SPOCK3: variants seen among roughly 807,000 people sequenced by gnomAD.
SPOCK3 encodes the protein SPARC (osteonectin), cwcv and kazal like domains proteoglycan 3.
A neutral mutation model predicts 56.6 loss-of-function variants in SPOCK3; 30 were observed. That is an observed-to-expected ratio of 0.53 (90% CI 0.40 to 0.72). SPOCK3 has a LOEUF of 0.72. SPOCK3 is among the 30% of genes least tolerant of loss of function. The probability of loss-of-function intolerance (pLI) is 0.00; values close to 1 mark genes in which losing one functional copy is unlikely to be tolerated. For synonymous variants in SPOCK3, 196 were observed against 183.3 expected, an observed-to-expected ratio of 1.07 and a Z score of -0.56; for missense variants, 527 against 530.0, an observed-to-expected ratio of 0.99 and a Z score of 0.06.
chr4:167,091,631 T>C (rs1758711078), intron 2 of SPOCK3, among the ~76,000 whole-genome samples: 1 of 152,184 alleles, frequency 6.6e-6, no homozygotes, highest in African/African-American at 2.4e-5. Context: ...TTACATGTCA[T>C]ATGCAGTGTC....
At chr4:166,845,053 A>C (rs561239797) in intron 6 of SPOCK3, among the ~76,000 whole-genome samples, 24 of 152,372 alleles carry the variant, frequency 1.6e-4, no homozygotes, top group Non-Finnish European at 2.4e-4. Flanking sequence ...GACAATTCAC[A>C]AACATGATTG....
intron 2 of SPOCK3, among the ~76,000 whole-genome samples, chr4:167,164,419 T>A (rs1404683591): frequency 2.0e-5 from 3 of 152,026 alleles, no homozygotes; most frequent in African/African-American, 7.2e-5. Flanking sequence ...TTTATTAGGA[T>A]CACAAATTCT....
chr4:167,020,338 T>C (rs1179740769), intron 3 of SPOCK3, among the ~76,000 whole-genome samples: 2 of 152,120 alleles, frequency 1.3e-5, no homozygotes, highest in African/African-American at 4.8e-5. Flanking sequence ...CATTTGCAGT[T>C]TCCAAAGAGG....
At chr4:167,015,321 A>G (rs1272289795) in intron 3 of SPOCK3, among the ~76,000 whole-genome samples, 1 of 152,162 alleles carries the variant, frequency 6.6e-6, no homozygotes, top group Non-Finnish European at 1.5e-5. Flanking sequence ...GGCTTTATAT[A>G]TGCCCAGACT....
rs10026431 is a variant in SPOCK3 at position 167,024,861 on chromosome 4, T to A, written c.236-24398A>T. 5.1e-3 allele frequency among the ~76,000 whole-genome samples: 775 copies of A among 151,934 alleles called. 3 individuals are homozygous for A. Among genetic ancestry groups the A allele is most frequent in the African/African-American group, 0.017 (711 of 41,458 alleles). On this transcript the variant is annotated intron_variant, in intron 3 of 10. Coordinates refer to ENST00000357545, the MANE Select transcript of SPOCK3 (RefSeq NM_001040159.2). ...TAACCTATGGAAAAATAAAAAAAAATTTTAAAAATTTTTAAAAGAGTCCTT... is the reference window on the plus strand; with the variant it reads ...TAACCTATGGAAAAATAAAAAAAAAATTTAAAAATTTTTAAAAGAGTCCTT...
intron 2 of SPOCK3, among the ~76,000 whole-genome samples, chr4:167,118,430 T>G (rs1408929421): frequency 6.6e-6 from 1 of 152,198 alleles, no homozygotes; most frequent in Non-Finnish European, 1.5e-5. Flanking sequence ...AAATTCATCC[T>G]AATAATACCT....
At chr4:167,161,480 G>A (rs1765299331) in intron 2 of SPOCK3, among the ~76,000 whole-genome samples, 1 of 152,132 alleles carries the variant, frequency 6.6e-6, no homozygotes, top group East Asian at 1.9e-4. Flanking sequence ...AAGTCAGTGT[G>A]GCAATTCCTC....
intron 6 of SPOCK3, among the ~76,000 whole-genome samples, chr4:166,877,515 T>C (rs1281953111): frequency 5.3e-5 from 8 of 152,232 alleles, no homozygotes; most frequent in Non-Finnish European, 1.5e-5. Flanking sequence ...AATGTAACAG[T>C]ATTTAAATCA....
intron 6 of SPOCK3, among the ~76,000 whole-genome samples, chr4:166,858,084 C>T (rs990385271): frequency 5.3e-5 from 8 of 152,108 alleles, no homozygotes; most frequent in Admixed American, 5.2e-4. Flanking sequence ...TCCTGTAGTA[C>T]CTAGCACAGC....
intron 3 of SPOCK3, among the ~76,000 whole-genome samples, chr4:167,058,227 A>G (rs911323662): frequency 1.1e-4 from 16 of 152,214 alleles, no homozygotes; most frequent in Non-Finnish European, 1.8e-4. Flanking sequence ...TTTGCAGATG[A>G]CATGATTGTA....
At chr4:166,890,736 T>G (rs1734683017) in intron 5 of SPOCK3, among the ~76,000 whole-genome samples, 1 of 152,026 alleles carries the variant, frequency 6.6e-6, no homozygotes, top group Non-Finnish European at 1.5e-5. Context: ...TCTGTTGATT[T>G]GGGGTGGAGA....
At chr4:167,162,749 A>G (rs1322776600) in intron 2 of SPOCK3, among the ~76,000 whole-genome samples, 5 of 152,066 alleles carry the variant, frequency 3.3e-5, no homozygotes, top group African/African-American at 4.8e-5. Context: ...GCAAATGCCA[A>G]TTGTATTTAC....
intron 3 of SPOCK3, among the ~76,000 whole-genome samples, chr4:167,050,643 A>G (rs1028373290): frequency 2.0e-5 from 3 of 152,174 alleles, no homozygotes; most frequent in Middle Eastern, 3.2e-3. Flanking sequence ...TGGATGTAAC[A>G]TAAGTGTCTA....
At chr4:166,978,635 A>G (rs1211711035) in intron 4 of SPOCK3, among the ~76,000 whole-genome samples, 1 of 152,192 alleles carries the variant, frequency 6.6e-6, no homozygotes, top group Non-Finnish European at 1.5e-5. Context: ...TAACAGTTTA[A>G]AAACAGTAAT....
chr4:167,192,634 T>TTTCTTTCC lies in SPOCK3; in HGVS notation c.189+41343_189+41350dup, dbSNP rs1421722553. On this transcript the variant is annotated intron_variant, in intron 2 of 10. Coordinates refer to ENST00000357545, the MANE Select transcript of SPOCK3 (RefSeq NM_001040159.2). ...TTTATTTCTGTTATAACTTGTACTG[T>TTTCTTTCC]TTCTTTCCTTCTGTTAGCTTTTAAC... Among the ~76,000 whole-genome samples, 3 of 145,686 alleles carry TTTCTTTCC rather than the reference T, an allele frequency of 2.1e-5. 1 individual carries two copies. Among genetic ancestry groups the TTTCTTTCC allele is most frequent in the African/African-American group, 5.2e-5 (2 of 38,200 alleles).
chr4:167,178,287 C>A (rs1731155483), intron 2 of SPOCK3, among the ~76,000 whole-genome samples: 1 of 152,132 alleles, frequency 6.6e-6, no homozygotes, highest in African/African-American at 2.4e-5. Flanking sequence ...TTTCACTTCT[C>A]AACATTTACA....
intron 2 of SPOCK3, among the ~76,000 whole-genome samples, chr4:167,109,440 ATATT>A (rs1169843131): frequency 9.5e-6 from 1 of 105,592 alleles, no homozygotes; most frequent in Non-Finnish European, 1.8e-5. Context: ...TGATAAATAT[ATATT>A]TATATTTATA....
At chr4:166,922,411 A>C (rs1032697322) in intron 4 of SPOCK3, among the ~76,000 whole-genome samples, 1 of 152,182 alleles carries the variant, frequency 6.6e-6, no homozygotes, top group Non-Finnish European at 1.5e-5. Flanking sequence ...TTCATCTTTG[A>C]GGTCCTGACT....
At chr4:167,115,441 T>A (rs190550358) in intron 2 of SPOCK3, among the ~76,000 whole-genome samples, 1 of 151,972 alleles carries the variant, frequency 6.6e-6, no homozygotes, top group African/African-American at 2.4e-5. Flanking sequence ...AATTGAAGCA[T>A]AAGATAAAAT....
Sources: gnomAD v4.1 joint callset for allele counts (sites outside exome capture counted in the v4.1 genomes callset) on GRCh38, gnomAD v4.1.1 for gene constraint, MANE v1.5 for transcripts, NCBI Gene and HGNC (gene_info 2026-07-23, HGNC 2026-07-21) for gene names.